SSR2: variants seen among roughly 807,000 people sequenced by gnomAD.
The protein encoded by SSR2 is translocon-associated protein subunit beta.
In SSR2, 16 loss-of-function variants were observed where a neutral mutation model predicts 22.6. The observed-to-expected ratio is 0.71, with a 90% CI of 0.48 to 1.08. SSR2 has a LOEUF of 1.08. SSR2 is among the 50% of genes least tolerant of loss of function. The pLI, the probability that SSR2 is intolerant of heterozygous loss-of-function variation, is 0.00. For synonymous variants in SSR2, 83 were observed against 91.2 expected (o/e 0.91, Z 0.51); for missense variants, 171 against 221.6 (o/e 0.77, Z 1.45).
At chr1:156,018,074 T>A (rs748424249) in intron 3 of SSR2, 196 bp downstream of exon 3, 52 of 497,148 alleles carry the variant, frequency 1.0e-4, no homozygotes, top group Non-Finnish European at 1.7e-4. Flanking sequence ...TAATCTGAAC[T>A]TCAGTATCCT....
intron 3 of SSR2, among the ~76,000 whole-genome samples, chr1:156,016,699 C>T (rs1219578563): frequency 2.6e-5 from 4 of 152,108 alleles, no homozygotes; most frequent in Non-Finnish European, 5.9e-5. Flanking sequence ...GTGTCCCTGC[C>T]CAAATCTCAT....
At chr1:156,016,130 C>T (rs1211288777) in intron 3 of SSR2, among the ~76,000 whole-genome samples, 2 of 151,782 alleles carry the variant, frequency 1.3e-5, no homozygotes, top group African/African-American at 2.4e-5. Context: ...AAGACAAGAG[C>T]GACAAGAGCG....
intron 2 of SSR2, among the ~76,000 whole-genome samples, chr1:156,018,657 C>T (rs534357196): frequency 6.7e-6 from 1 of 149,406 alleles, no homozygotes; most frequent in African/African-American, 2.5e-5. Context: ...TGCAGTGAGC[C>T]AAGATCGCAC....
At chr1:156,020,431 T>A in intron 1 of SSR2, 1 of 397,374 alleles carries the variant, frequency 2.5e-6, no homozygotes, top group South Asian at 2.3e-5. Flanking sequence ...CACCGGCTGG[T>A]GGAGTCTTCT....
chr1:156,009,779 AGTTT>A, intron 5 of SSR2, 129 bp from the exon 6 acceptor site: 1 of 617,530 alleles, frequency 1.6e-6, no homozygotes. Context: ...ACAAAGTCTT[AGTTT>A]TTTTTTTTGA....
In SSR2 at chr1:156,017,504, T is replaced by A. The variant is rs549627770; in HGVS notation, c.254+766A>T. On this transcript the variant is annotated intron_variant, in intron 3 of 5. Transcript: ENST00000295702. ...AGCTGGGATTACAGGCTCCCGCCAC[T>A]GCGCCTGGCTAATTTTTGTATTTTT... 8.0e-4 allele frequency among the ~76,000 whole-genome samples: 121 copies of A among 151,388 alleles called. 1 individual carries two copies. The highest frequency in any genetic ancestry group is 7.1e-3 in the Admixed American group (108 of 15,150).
intron 1 of SSR2, chr1:156,020,671 C>T: frequency 2.9e-6 from 1 of 347,754 alleles, no homozygotes; most frequent in Admixed American, 3.9e-5. Flanking sequence ...CCCATTCGTC[C>T]TCGCCTGTCA....
intron 5 of SSR2, chr1:156,011,554 G>A (rs1262855521): frequency 1.1e-5 from 3 of 285,348 alleles, no homozygotes; most frequent in Non-Finnish European, 2.0e-5. Context: ...AGACCCAGGA[G>A]TTTAAGATGG....
chr1:156,020,575 G>A, intron 1 of SSR2: 1 of 303,742 alleles, frequency 3.3e-6, no homozygotes, highest in Non-Finnish European at 6.6e-6. Flanking sequence ...CTCCTCCTTG[G>A]CCACAGCTCT....
chr1:156,013,417 C>T (rs565453947), intron 4 of SSR2: 3 of 151,544 alleles, frequency 2.0e-5, no homozygotes, highest in African/African-American at 7.4e-5. Flanking sequence ...CAGAGTGAGA[C>T]TCTGTCTCAA....
intron 3 of SSR2, among the ~76,000 whole-genome samples, chr1:156,015,741 T>TA (rs1376304196): frequency 6.6e-6 from 1 of 151,182 alleles, no homozygotes; most frequent in Non-Finnish European, 1.5e-5. Context: ...GCATCTTTTT[T>TA]AAATCTAAAG....
intron 5 of SSR2, among the ~76,000 whole-genome samples, chr1:156,009,888 C>G (rs1256980408): frequency 7.2e-5 from 11 of 152,178 alleles, no homozygotes. Flanking sequence ...ATTTTCCTGC[C>G]TCAGCCTCCC....
chr1:156,018,179 C>T, intron 3 of SSR2, 91 bp downstream of exon 3: 1 of 907,594 alleles, frequency 1.1e-6, no homozygotes, highest in South Asian at 1.4e-5. Flanking sequence ...GACAGCCACA[C>T]ATATCCAGCC....
intron 2 of SSR2, among the ~76,000 whole-genome samples, chr1:156,019,737 G>A (rs962655877): frequency 3.9e-5 from 6 of 152,126 alleles, no homozygotes; most frequent in African/African-American, 1.4e-4. Context: ...TATTTTCTGT[G>A]TCTTTATCTT....
At chr1:156,011,953 G>A (rs528650099) in intron 4 of SSR2, 66 bp from the exon 5 acceptor site, 1 of 1,328,276 alleles carries the variant, frequency 7.5e-7, no homozygotes, top group Non-Finnish European at 1.1e-6. Flanking sequence ...CATCTACTCT[G>A]AGAAAGGGCA....
At chr1:156,012,316 C>G in intron 4 of SSR2, 1 of 303,526 alleles carries the variant, frequency 3.3e-6, no homozygotes, top group South Asian at 3.0e-5. Context: ...CAAAAATCCA[C>G]TACTTCACAG....
At chr1:156,014,782 T>C in intron 4 of SSR2, 179 bp downstream of exon 4, 1 of 529,464 alleles carries the variant, frequency 1.9e-6, no homozygotes, top group Admixed American at 3.0e-5. Context: ...CCTTAGGTGA[T>C]CTGCCCACCT....
chr1:156,015,142 G>A, intron 3 of SSR2, 73 bp from the exon 4 acceptor site: 1 of 1,125,536 alleles, frequency 8.9e-7, no homozygotes, highest in Non-Finnish European at 1.3e-6. Context: ...TGGACTAAAT[G>A]CACCACTTAC....
rs562691742 is a variant in SSR2 at position 156,015,053 on chromosome 1, G to A, written c.271C>T (p.His91Tyr). The change falls in exon 4 of 6, where the codon CAC (histidine) becomes TAC (tyrosine). Residue 91 changes from histidine to tyrosine, a missense_variant. Transcript: ENST00000295702. ...DRIAPASNVS[H>Y]TVVLRPLKAG... The stretch of plus-strand genomic sequence containing the variant: ...TTGAGAGGGCGCAGGACCACAGTGT[G>A]GGAGACATTGCTAGCACTGGCTCAA... The A allele has an allele frequency of 6.2e-7, 1 of 1,613,724 alleles. No individual in the cohort carries two copies. The highest frequency in any genetic ancestry group is 1.1e-5 in the South Asian group (1 of 91,054).
Sources: allele counts gnomAD v4.1 joint callset (sites outside exome capture counted in the v4.1 genomes callset), GRCh38; gene constraint gnomAD v4.1.1; transcripts MANE v1.5; gene names NCBI Gene and HGNC (gene_info 2026-07-23, HGNC 2026-07-21).